Variants in ZNF827 observed in about 807,000 individuals in gnomAD.
ZNF827 encodes zinc finger protein 827.
A neutral mutation model predicts 102.4 loss-of-function variants in ZNF827; 13 were observed. The ratio of observed to expected loss-of-function variants is 0.13; its 90% confidence interval spans 0.08 to 0.20. ZNF827 has a LOEUF of 0.20. Ranked by LOEUF, ZNF827 falls within the 10% of genes least tolerant of loss-of-function variation. ZNF827 has a pLI of 1.00. For missense variants in ZNF827, 1,103 were observed against 1,344.4 expected (o/e 0.82, Z 2.81); for synonymous variants, 523 against 536.2 (o/e 0.98, Z 0.34).
chr4:145,877,405 ATAAT>A (rs1376074666), intron 4 of ZNF827, among the ~76,000 whole-genome samples: 7 of 152,250 alleles, frequency 4.6e-5, no homozygotes, highest in African/African-American at 1.4e-4. Context: ...TAATTAAATA[ATAAT>A]TAATAACAGT....
intron 8 of ZNF827, among the ~76,000 whole-genome samples, chr4:145,806,774 ATTATT>A (rs1431664759): frequency 6.6e-6 from 1 of 152,164 alleles, no homozygotes; most frequent in Non-Finnish European, 1.5e-5. Context: ...CACGGCAGCT[ATTATT>A]TTATTAATTA....
chr4:145,798,099 G>T (rs1365884656), intron 8 of ZNF827, among the ~76,000 whole-genome samples: 1 of 152,192 alleles, frequency 6.6e-6, no homozygotes, highest in Non-Finnish European at 1.5e-5. Context: ...CAAGACAGAG[G>T]TTTGCATACT....
chr4:145,936,780 G>C (rs1212242916), intron 1 of ZNF827, among the ~76,000 whole-genome samples: 1 of 152,156 alleles, frequency 6.6e-6, no homozygotes, highest in African/African-American at 2.4e-5. Context: ...CCCACCCTCC[G>C]TGAACTTCAG....
chr4:145,902,729 T>C lies in ZNF827; in HGVS notation c.530A>G (p.Gln177Arg). ...SVLARKLAEK[Q>R]EQNDQYTPSN... ...TGGAGTGTATTGGTCATTCTGTTCC[T>C]GCTTCTCGGCCAACTTCCTGGCCAG... Residue 177 changes from glutamine (Q) to arginine (R), a missense_variant, in exon 2 of 15, where the codon CAG (glutamine) becomes CGG (arginine). Transcript: ENST00000508784. This position sits in a 1 kb window ranked among gnomAD's most constrained non-coding sequence, Gnocchi z 4.3. 2 of 1,614,116 alleles carry C rather than the reference T, an allele frequency of 1.2e-6. No homozygotes were observed. The highest frequency in any genetic ancestry group is 1.7e-6 in the Non-Finnish European group (2 of 1,180,034).
intron 1 of ZNF827, among the ~76,000 whole-genome samples, chr4:145,931,357 A>G (rs889684164): frequency 1.3e-5 from 2 of 152,216 alleles, no homozygotes; most frequent in Non-Finnish European, 2.9e-5. Flanking sequence ...ATCATTTACA[A>G]TCTATACCTT....
chr4:145,853,338 T>C (rs534238310), intron 5 of ZNF827, among the ~76,000 whole-genome samples: 90 of 152,348 alleles, frequency 5.9e-4, no homozygotes, highest in African/African-American at 1.8e-3. Flanking sequence ...AGGATTTTAC[T>C]CTTTCCTGTA....
At chr4:145,832,418 T>C (rs1012389086) in intron 7 of ZNF827, 2 of 151,328 alleles carry the variant, frequency 1.3e-5, no homozygotes, top group South Asian at 2.1e-4. Flanking sequence ...ATGGAAGATA[T>C]AATTTTTCAC....
chr4:145,823,733 G>A (rs941416915), intron 7 of ZNF827, among the ~76,000 whole-genome samples: 5 of 152,206 alleles, frequency 3.3e-5, no homozygotes, highest in African/African-American at 1.2e-4. Context: ...TTCTGCCTAT[G>A]GGTTTTATAT....
chr4:145,826,910 C>A (rs1743741857), intron 7 of ZNF827, among the ~76,000 whole-genome samples: 3 of 152,178 alleles, frequency 2.0e-5, no homozygotes. Flanking sequence ...CCACGCCCGA[C>A]TAATTTTTGT....
intron 1 of ZNF827, among the ~76,000 whole-genome samples, chr4:145,929,805 T>C (rs531270361): frequency 6.6e-6 from 1 of 152,346 alleles, no homozygotes; most frequent in Non-Finnish European, 1.5e-5. Flanking sequence ...TTAGGCATGA[T>C]TTTGTGTATA....
chr4:145,878,113 G>T (rs1274931925), intron 4 of ZNF827, among the ~76,000 whole-genome samples: 1 of 152,156 alleles, frequency 6.6e-6, no homozygotes, highest in African/African-American at 2.4e-5. Flanking sequence ...CTTATTTACA[G>T]ATCAGTTTGT....
intron 3 of ZNF827, 103 bp from the exon 4 acceptor site, chr4:145,886,261 G>A: frequency 6.9e-7 from 1 of 1,457,204 alleles, no homozygotes; most frequent in Admixed American, 2.7e-5. Flanking sequence ...CCGTGCAAAG[G>A]GCTGGCCTTT....
At chr4:145,856,322 G>C (rs547161215) in intron 5 of ZNF827, among the ~76,000 whole-genome samples, 1 of 152,256 alleles carries the variant, frequency 6.6e-6, no homozygotes, top group East Asian at 1.9e-4. Context: ...TTCTATAAAG[G>C]ATCGGCTTAT....
intron 7 of ZNF827, among the ~76,000 whole-genome samples, chr4:145,839,985 G>T (rs1392856175): frequency 6.6e-6 from 1 of 152,202 alleles, no homozygotes; most frequent in Non-Finnish European, 1.5e-5. Flanking sequence ...TTTCGGTATA[G>T]ATGTCACGAA....
rs150334378 is a variant in ZNF827, at chr4:145,905,746, G to A, written c.44-2531C>T. On this transcript the variant is annotated intron_variant, in intron 1 of 14. Transcript: ENST00000508784. ...AGATTAAACATCTCATCCTTCAGTA[G>A]AATCACATAGGAAGTATCCTATAAA... Among the ~76,000 whole-genome samples, 658 of 152,260 alleles carry A rather than the reference G, an allele frequency of 4.3e-3. 2 individuals carry two copies. Among genetic ancestry groups the A allele is most frequent in the Non-Finnish European group, 6.4e-3 (436 of 68,008 alleles).
intron 5 of ZNF827, among the ~76,000 whole-genome samples, chr4:145,853,937 C>A (rs943452074): frequency 6.7e-6 from 1 of 150,306 alleles, no homozygotes; most frequent in African/African-American, 2.5e-5. Context: ...TACACTCCGG[C>A]ATGGGCAACA....
intron 8 of ZNF827, among the ~76,000 whole-genome samples, chr4:145,793,895 A>G (rs1740097693): frequency 6.6e-6 from 1 of 152,102 alleles, no homozygotes; most frequent in Non-Finnish European, 1.5e-5. Flanking sequence ...AGAACTTGAG[A>G]TGTGGATAAG....
chr4:145,919,373 A>G (rs896774443), intron 1 of ZNF827, among the ~76,000 whole-genome samples: 10 of 152,268 alleles, frequency 6.6e-5, no homozygotes, highest in Non-Finnish European at 1.5e-4. Flanking sequence ...TTCACTGGAC[A>G]GCCAAATCAA....
intron 4 of ZNF827, among the ~76,000 whole-genome samples, chr4:145,881,457 C>G (rs919266703): frequency 1.3e-5 from 2 of 152,156 alleles, no homozygotes; most frequent in African/African-American, 4.8e-5. Flanking sequence ...AAAAGATATT[C>G]CCAGCCAACA....
Sources: gnomAD v4.1 joint callset for allele counts (sites outside exome capture counted in the v4.1 genomes callset) on GRCh38, gnomAD v4.1.1 for gene constraint, Gnocchi (gnomAD v3.1) non-coding constraint, MANE v1.5 for transcripts, NCBI Gene and HGNC (gene_info 2026-07-23, HGNC 2026-07-21) for gene names.